Variants in MYRFL observed in about 807,000 individuals in gnomAD.
The protein encoded by MYRFL is myelin regulatory factor-like protein.
Under a neutral mutation model 109.4 loss-of-function variants are expected in MYRFL, and 88 were observed. The observed-to-expected ratio is 0.80, with a 90% CI of 0.68 to 0.96. The LOEUF is 0.96. Ranked by LOEUF, MYRFL falls within the 40% of genes least tolerant of loss-of-function variation. The pLI is 0.00. For synonymous variants in MYRFL, 324 were observed against 320.9 expected (o/e 1.01, Z -0.10); for missense variants, 957 against 954.9 (o/e 1.00, Z -0.03).
chr12:69,954,325 A>T (rs1956051028), intron 21 of MYRFL, among the ~76,000 whole-genome samples: 1 of 152,194 alleles, frequency 6.6e-6, no homozygotes, highest in African/African-American at 2.4e-5. Flanking sequence ...TAGGAAATGC[A>T]TTCCATTTAT....
At position 69,870,099 on chromosome 12, in the gene MYRFL, C is replaced by CTTTT. The variant is rs754843682; in HGVS notation, c.138-8905_138-8902dup. Among the ~76,000 whole-genome samples, 19 of 81,330 alleles carry CTTTT rather than the reference C, an allele frequency of 2.3e-4. 1 individual carries two copies. Among genetic ancestry groups the CTTTT allele is most frequent in the South Asian group, 1.0e-3 (2 of 1,986 alleles). 53.4% of individuals were successfully genotyped at this position (81,330 alleles called of 152,430 possible). A position where few individuals can be genotyped will look rare whatever the true frequency, so the allele number is the denominator to read the frequency against. On this transcript the variant is annotated intron_variant, in intron 2 of 24. Coordinates refer to ENST00000552032, the MANE Select transcript of MYRFL (RefSeq NM_182530.3). ...GCTAAGAATCTCTTGATTTTTCTTCCTTTTTTTTTTTTTTTTTTTTTTTTT... is the reference window on the plus strand; with the variant it reads ...GCTAAGAATCTCTTGATTTTTCTTCCTTTTTTTTTTTTTTTTTTTTTTTTTTTTT...
At chr12:69,830,172 C>T (rs1450143625) in intron 1 of MYRFL, among the ~76,000 whole-genome samples, 1 of 151,866 alleles carries the variant, frequency 6.6e-6, no homozygotes, top group African/African-American at 2.4e-5. Context: ...AGAAAGATTA[C>T]CTCCTCCAGG....
Position 69,958,647 on chromosome 12 carries a change from T to C in MYRFL, c.*116T>C. The C allele has an allele frequency of 1.3e-6, 1 of 756,260 alleles. No homozygotes were observed. The highest frequency in any genetic ancestry group is 2.1e-6 in the Non-Finnish European group (1 of 483,196). The allele number at this position is 756,260 out of a possible 1,614,324, so 46.8% of individuals were successfully genotyped here. ...TTTGTAAAACATTTACGTTTATTGC[T>C]GAAGGACTTTTTCAGGCTTTAGCTT... On this transcript the variant is annotated 3_prime_UTR_variant, in exon 25 of 25. Transcript: ENST00000552032.
At chr12:69,938,886 G>A (rs1488501572) in intron 19 of MYRFL, among the ~76,000 whole-genome samples, 6 of 152,286 alleles carry the variant, frequency 3.9e-5, no homozygotes, top group South Asian at 2.1e-4. Context: ...CCCGGGAAGC[G>A]CAGGGTTCAG....
chr12:69,882,313 A>G (rs943071444), intron 5 of MYRFL, among the ~76,000 whole-genome samples: 4 of 146,548 alleles, frequency 2.7e-5, no homozygotes, highest in African/African-American at 1.1e-4. Context: ...AGAAAAAAGA[A>G]AGAAAGAAAA....
chr12:69,916,776 G>T (rs952947390), intron 13 of MYRFL, among the ~76,000 whole-genome samples: 3 of 151,552 alleles, frequency 2.0e-5, no homozygotes, highest in Non-Finnish European at 2.9e-5. Flanking sequence ...TGCCTTCAGT[G>T]CAGCCAGACT....
At chr12:69,914,732 C>T (rs1484555041) in intron 13 of MYRFL, among the ~76,000 whole-genome samples, 2 of 152,178 alleles carry the variant, frequency 1.3e-5, no homozygotes, top group East Asian at 3.9e-4. Flanking sequence ...TAGGGGGTAG[C>T]ATTCCTGTTC....
At chr12:69,863,828 C>A (rs574268843) in intron 2 of MYRFL, among the ~76,000 whole-genome samples, 6 of 152,248 alleles carry the variant, frequency 3.9e-5, no homozygotes, top group African/African-American at 1.4e-4. Flanking sequence ...TCATTTAGAG[C>A]AGATTTGTTG....
intron 1 of MYRFL, among the ~76,000 whole-genome samples, chr12:69,848,825 C>A (rs537835558): frequency 6.6e-6 from 1 of 152,166 alleles, no homozygotes; most frequent in South Asian, 2.1e-4. Flanking sequence ...TACAGTAGTT[C>A]TAATTTTCTA....
intron 19 of MYRFL, among the ~76,000 whole-genome samples, chr12:69,938,537 G>A (rs537447139): frequency 6.6e-6 from 1 of 152,250 alleles, no homozygotes; most frequent in Admixed American, 6.5e-5. Flanking sequence ...GGCCCCATAA[G>A]ATAATAATTG....
rs112404609 is a variant in MYRFL at position 69,957,414 on chromosome 12, A to ATAAG, written c.2451-406_2451-403dup. ...GAGATAAGTTTTGATGTGAGACAAC[A>ATAAG]TAAGTCATAAGATTAGGTTTTAAAA... On this transcript the variant is annotated intron_variant, in intron 22 of 24. Coordinates refer to ENST00000552032, the MANE Select transcript of MYRFL (RefSeq NM_182530.3). Among the ~76,000 whole-genome samples, 675 of 152,336 alleles carry ATAAG rather than the reference A, an allele frequency of 4.4e-3. 6 individuals are homozygous for ATAAG. The highest frequency in any genetic ancestry group is 0.015 in the African/African-American group (637 of 41,570).
intron 1 of MYRFL, among the ~76,000 whole-genome samples, chr12:69,840,968 T>C (rs1883210617): frequency 6.6e-6 from 1 of 152,248 alleles, no homozygotes; most frequent in Admixed American, 6.5e-5. Flanking sequence ...TCCAGGTGAT[T>C]CATGTCATGT....
intron 2 of MYRFL, among the ~76,000 whole-genome samples, chr12:69,875,547 C>T (rs969367057): frequency 1.3e-5 from 2 of 152,166 alleles, no homozygotes; most frequent in Non-Finnish European, 2.9e-5. Context: ...AGCAGTTTTT[C>T]CAACCCCTGC....
chr12:69,868,020 A>G (rs1335560762), intron 2 of MYRFL, among the ~76,000 whole-genome samples: 3 of 152,272 alleles, frequency 2.0e-5, no homozygotes, highest in African/African-American at 7.2e-5. Flanking sequence ...CTCTGGTGGT[A>G]GACCATCTGA....
At chr12:69,868,255 C>T (rs1439741993) in intron 2 of MYRFL, among the ~76,000 whole-genome samples, 1 of 151,922 alleles carries the variant, frequency 6.6e-6, no homozygotes, top group Non-Finnish European at 1.5e-5. Context: ...TACAGGTTTG[C>T]GTCGCCATGC....
At chr12:69,844,511 C>T (rs932037994) in intron 1 of MYRFL, among the ~76,000 whole-genome samples, 5 of 152,182 alleles carry the variant, frequency 3.3e-5, no homozygotes, top group African/African-American at 1.2e-4. Context: ...AGTCGGCTTG[C>T]CCTAAGCCCA....
intron 2 of MYRFL, among the ~76,000 whole-genome samples, chr12:69,863,752 T>C (rs1884841997): frequency 1.3e-5 from 2 of 152,214 alleles, no homozygotes; most frequent in African/African-American, 4.8e-5. Context: ...GTCTTCTTCA[T>C]TTGGGAAGTT....
chr12:69,957,145 C>A (rs1172811838), intron 22 of MYRFL, among the ~76,000 whole-genome samples: 2 of 152,192 alleles, frequency 1.3e-5, no homozygotes, highest in Non-Finnish European at 2.9e-5. Flanking sequence ...TGGGGCCAAC[C>A]TCCAGAGAAG....
chr12:69,891,712 T>G (rs1886919656), intron 7 of MYRFL, among the ~76,000 whole-genome samples: 1 of 150,704 alleles, frequency 6.6e-6, no homozygotes, highest in Admixed American at 6.6e-5. Context: ...TTTCTTTTTT[T>G]CTTTGAGACA....
Sources: allele counts gnomAD v4.1 joint callset (sites outside exome capture counted in the v4.1 genomes callset), GRCh38; gene constraint gnomAD v4.1.1; transcripts MANE v1.5; gene names NCBI Gene and HGNC (gene_info 2026-07-23, HGNC 2026-07-21).